Variants in SPPL3 observed in about 807,000 individuals in gnomAD.
SPPL3 encodes the protein signal peptide peptidase-like 3.
A neutral mutation model predicts 42.4 loss-of-function variants in SPPL3; 5 were observed. The ratio of observed to expected loss-of-function variants is 0.12; its 90% CI spans 0.06 to 0.25. The LOEUF (loss-of-function observed/expected upper bound fraction) is 0.25. SPPL3 is among the 10% of genes least tolerant of loss of function. The pLI is 1.00. For missense variants in SPPL3, 235 were observed against 489.0 expected (o/e 0.48, Z 4.90); for synonymous variants, 195 against 181.8 (o/e 1.07, Z -0.58).
chr12:120,889,726 A>C lies in SPPL3; in HGVS notation c.23+14119T>G, dbSNP rs573992932. Among the ~76,000 whole-genome samples, 10 of 152,356 alleles carry C rather than the reference A, an allele frequency of 6.6e-5. No homozygotes were observed. In the South Asian group the frequency reaches 2.1e-3, roughly 32 times the overall value. ...TTTGTCATGCAGTGTTATTGTGGCAATAGCTAACTGATATAGTCACCAATT... is the reference window on the plus strand; with the variant it reads ...TTTGTCATGCAGTGTTATTGTGGCACTAGCTAACTGATATAGTCACCAATT... On this transcript the variant is annotated intron_variant, in intron 1 of 10. Coordinates refer to ENST00000353487, the MANE Select transcript of SPPL3 (RefSeq NM_139015.5).
chr12:120,858,995 T>TA (rs1440473711), intron 1 of SPPL3, among the ~76,000 whole-genome samples: 4 of 152,206 alleles, frequency 2.6e-5, no homozygotes, highest in Non-Finnish European at 5.9e-5. Flanking sequence ...AGGGTCCTTA[T>TA]AAGAGATGGT....
chr12:120,869,509 T>C (rs1872857667), intron 1 of SPPL3, among the ~76,000 whole-genome samples: 1 of 152,230 alleles, frequency 6.6e-6, no homozygotes, highest in Non-Finnish European at 1.5e-5. Flanking sequence ...ACCCTGTCCA[T>C]TAAATGCCTG....
intron 1 of SPPL3, among the ~76,000 whole-genome samples, chr12:120,826,485 C>G (rs897257404): frequency 5.3e-5 from 8 of 152,022 alleles, no homozygotes; most frequent in Non-Finnish European, 1.0e-4. Flanking sequence ...GAACCCTTGA[C>G]ACGGATCACC....
intron 2 of SPPL3, among the ~76,000 whole-genome samples, chr12:120,794,825 G>C (rs192027733): frequency 1.5e-4 from 23 of 152,226 alleles, no homozygotes; most frequent in African/African-American, 5.5e-4. Context: ...ACCTGACTTT[G>C]TTTGGATTAA....
intron 6 of SPPL3, among the ~76,000 whole-genome samples, chr12:120,773,577 CG>C (rs1433352224): frequency 3.3e-5 from 5 of 152,114 alleles, no homozygotes; most frequent in African/African-American, 1.2e-4. Flanking sequence ...CCAGGCTCCT[CG>C]GGGTAAGTTT....
intron 1 of SPPL3, among the ~76,000 whole-genome samples, chr12:120,821,229 G>T (rs1257191138): frequency 1.3e-5 from 2 of 152,200 alleles, no homozygotes; most frequent in Non-Finnish European, 2.9e-5. Context: ...ACAGAAAGAA[G>T]ACCCCACATT....
At chr12:120,808,795 T>C (rs1251052841) in intron 2 of SPPL3, among the ~76,000 whole-genome samples, 2 of 152,220 alleles carry the variant, frequency 1.3e-5, no homozygotes, top group African/African-American at 2.4e-5. Flanking sequence ...TACAAACATA[T>C]GCCAAATGGA....
intron 1 of SPPL3, among the ~76,000 whole-genome samples, chr12:120,843,816 G>C (rs1871920117): frequency 6.6e-6 from 1 of 152,086 alleles, no homozygotes; most frequent in Admixed American, 6.6e-5. Context: ...AAATTAGCCA[G>C]GCATGGTGGC....
At chr12:120,830,606 A>AGAGAGAGAGAGAGAGAGAGAG (rs377406347) in intron 1 of SPPL3, among the ~76,000 whole-genome samples, 437 of 124,416 alleles carry the variant, frequency 3.5e-3, no homozygotes, top group Non-Finnish European at 5.5e-3. Flanking sequence ...AGAGAGAGAG[A>AGAGAGAGAGAGAGAGAGAGAG]AGGTGTACAT....
At chr12:120,821,640 G>GAAC (rs1566051590) in intron 1 of SPPL3, among the ~76,000 whole-genome samples, 1 of 152,148 alleles carries the variant, frequency 6.6e-6, no homozygotes, top group Non-Finnish European at 1.5e-5. Context: ...AAAAATCTAT[G>GAAC]TTAACATGCT....
intron 1 of SPPL3, among the ~76,000 whole-genome samples, chr12:120,839,345 C>T (rs1352817091): frequency 9.0e-6 from 1 of 110,910 alleles, no homozygotes; most frequent in Non-Finnish European, 1.7e-5. Context: ...ACATCACACT[C>T]TGGGGCCTGT....
chr12:120,766,096 G>GCACACA (rs1382896432), intron 10 of SPPL3, among the ~76,000 whole-genome samples, 167 bp downstream of exon 10: 1 of 90,724 alleles, frequency 1.1e-5, no homozygotes, highest in African/African-American at 5.1e-5. Context: ...GGTAGCGCGC[G>GCACACA]CGCGCACACA....
intron 3 of SPPL3, among the ~76,000 whole-genome samples, chr12:120,785,914 CAAAA>C (rs11307959): frequency 3.3e-4 from 28 of 85,824 alleles, no homozygotes; most frequent in African/African-American, 7.6e-4. Context: ...GAGTCCAAGG[CAAAA>C]AAAAAAAAAA....
intron 1 of SPPL3, among the ~76,000 whole-genome samples, chr12:120,827,932 T>C (rs1871278393): frequency 6.6e-6 from 1 of 151,998 alleles, no homozygotes; most frequent in Non-Finnish European, 1.5e-5. Flanking sequence ...GGACTACAGG[T>C]GCACACCACC....
chr12:120,790,488 G>A (rs572894111), intron 3 of SPPL3, among the ~76,000 whole-genome samples: 1 of 152,250 alleles, frequency 6.6e-6, no homozygotes, highest in African/African-American at 2.4e-5. Context: ...CTCTCTCTTA[G>A]GTGGCGACCT....
chr12:120,787,648 T>C (rs573582689), intron 3 of SPPL3, among the ~76,000 whole-genome samples: 1 of 152,162 alleles, frequency 6.6e-6, no homozygotes, highest in Non-Finnish European at 1.5e-5. Context: ...TGTGTCCCTC[T>C]CAATCACTAC....
At chr12:120,766,977 G>A (rs1308823618) in intron 9 of SPPL3, among the ~76,000 whole-genome samples, 1 of 152,242 alleles carries the variant, frequency 6.6e-6, no homozygotes, top group Non-Finnish European at 1.5e-5. Context: ...ATCATCTCCT[G>A]TCTGCCTACA....
At chr12:120,859,206 T>C (rs1479143391) in intron 1 of SPPL3, among the ~76,000 whole-genome samples, 1 of 152,138 alleles carries the variant, frequency 6.6e-6, no homozygotes, top group Admixed American at 6.5e-5. Flanking sequence ...AATATTTGTA[T>C]TATACTTACT....
chr12:120,881,551 T>C lies in SPPL3; in HGVS notation c.23+22294A>G, dbSNP rs116764117. Among the ~76,000 whole-genome samples, 817 of 147,580 alleles carry C rather than the reference T, an allele frequency of 5.5e-3. 13 individuals are homozygous for C. The highest frequency in any genetic ancestry group is 0.019 in the African/African-American group (742 of 39,592). ...ATACGAGATTGAGCAATCCCACTTC[T>C]AGGTTTATATCCAAAAGAACTGAAA... On this transcript the variant is annotated intron_variant, in intron 1 of 10. Coordinates refer to ENST00000353487, the MANE Select transcript of SPPL3 (RefSeq NM_139015.5).
Sources: allele counts gnomAD v4.1 joint callset (sites outside exome capture counted in the v4.1 genomes callset), GRCh38; gene constraint gnomAD v4.1.1; transcripts MANE v1.5; gene names NCBI Gene and HGNC (gene_info 2026-07-23, HGNC 2026-07-21).